CCT6A: variants seen among roughly 807,000 people sequenced by gnomAD.
CCT6A encodes the protein chaperonin containing TCP1 subunit 6A.
In CCT6A, 6 loss-of-function variants were observed where a neutral mutation model predicts 58.6. The ratio of observed to expected loss-of-function variants is 0.10; its 90% CI spans 0.06 to 0.20. The LOEUF (loss-of-function observed/expected upper bound fraction) is 0.20. Ranked by LOEUF, CCT6A falls within the 10% of genes least tolerant of loss-of-function variation. CCT6A has a pLI of 1.00. For synonymous variants in CCT6A, 245 were observed against 227.8 expected, an observed-to-expected ratio of 1.08 and a Z score of -0.68; for missense variants, 516 against 648.8, an observed-to-expected ratio of 0.80 and a Z score of 2.22.
intron 4 of CCT6A, 134 bp downstream of exon 4, chr7:56,055,931 A>ATGCCACAATG (rs1292044782): frequency 1.6e-6 from 1 of 622,716 alleles, no homozygotes; most frequent in African/African-American, 1.9e-5. Context: ...AATGATACCT[A>ATGCCACAATG]ATCTGTGTCT....
chr7:56,057,021 T>C (rs1205430737), intron 5 of CCT6A, among the ~76,000 whole-genome samples: 5 of 152,086 alleles, frequency 3.3e-5, no homozygotes, highest in Non-Finnish European at 7.4e-5. Context: ...GATCTCGATC[T>C]CCTGACCTCG....
At chr7:56,054,880 C>G (rs956654538) in intron 3 of CCT6A, among the ~76,000 whole-genome samples, 8 of 152,094 alleles carry the variant, frequency 5.3e-5, no homozygotes, top group Non-Finnish European at 1.2e-4. Context: ...TAAAGCAAAC[C>G]TCAGTGAATA....
chr7:56,054,720 C>G (rs1233184948), intron 3 of CCT6A, among the ~76,000 whole-genome samples: 1 of 152,056 alleles, frequency 6.6e-6, no homozygotes, highest in African/African-American at 2.4e-5. Context: ...GTTGCATTGC[C>G]TATGTGATTT....
rs1211402800 is a variant in CCT6A, at chr7:56,062,010, A to G, written c.1450+161A>G. On this transcript the variant is annotated intron_variant, in intron 12 of 13. Coordinates refer to ENST00000275603, the MANE Select transcript of CCT6A (RefSeq NM_001762.4). ...AAATAGGATATTAATAAAAAATGGAATGACTAGGTATAATTAAGGGACGAG... is the reference window on the plus strand; with the variant it reads ...AAATAGGATATTAATAAAAAATGGAGTGACTAGGTATAATTAAGGGACGAG... 6 of 484,544 alleles carry G rather than the reference A, an allele frequency of 1.2e-5. No homozygotes were observed. The South Asian group carries it at 1.4e-4, about 11-fold the overall frequency. The allele number at this position is 484,544 out of a possible 1,614,324, so 30.0% of individuals were successfully genotyped here. A position where few individuals can be genotyped will look rare whatever the true frequency, so the allele number is the denominator to read the frequency against.
In CCT6A at chr7:56,051,789, GCCAC is replaced by G; in HGVS notation, c.-59_-56del. On this transcript the variant is annotated 5_prime_UTR_variant, in exon 1 of 14. Coordinates refer to ENST00000275603, the MANE Select transcript of CCT6A (RefSeq NM_001762.4). Reference sequence around the variant, plus strand: ...CAGAAGACCCGGATAGTTCCTCCCGGCCACGCCGCGCCGGCTCTGGGCACTCAGC... The same window carrying G: ...CAGAAGACCCGGATAGTTCCTCCCGGGCCGCGCCGGCTCTGGGCACTCAGC... 6.5e-7 allele frequency: 1 copy of G among 1,532,948 alleles called. No homozygotes were observed. Among genetic ancestry groups the G allele is most frequent in the Admixed American group, 2.0e-5 (1 of 49,866 alleles). 95.0% of individuals were successfully genotyped at this position (1,532,948 alleles called of 1,614,324 possible).
chr7:56,063,084 G>A lies in CCT6A; in HGVS notation c.1595G>A (p.Ter532=). The change falls in exon 14 of 14, where the codon TGA becomes TAA. Residue 532 remains the stop codon, a stop_retained_variant. Transcript: ENST00000275603. ...MRAGMSSLKG[*] is the part of the protein sequence containing the mutation. ...GCTGGAATGTCTTCTCTGAAAGGTT[G>A]AATTGAAGCTTCCTCTGTATCTGAA... The A allele has an allele frequency of 1.3e-6, 2 of 1,591,396 alleles. No individual in the cohort carries two copies. The highest frequency in any genetic ancestry group is 1.7e-6 in the Non-Finnish European group (2 of 1,159,250).
intron 1 of CCT6A, 69 bp from the exon 2 acceptor site, chr7:56,052,353 G>A (rs1417894683): frequency 2.1e-6 from 3 of 1,446,054 alleles, no homozygotes; most frequent in Admixed American, 1.7e-5. Flanking sequence ...GGAAAAGCCC[G>A]TTTTCTAATG....
chr7:56,058,068 C>A lies in CCT6A; in HGVS notation c.690C>A (p.Ile230=), dbSNP rs1176269092. The A allele has an allele frequency of 2.5e-6, 4 of 1,608,810 alleles. No homozygotes were observed. Among genetic ancestry groups the A allele is most frequent in the Non-Finnish European group, 3.4e-6 (4 of 1,175,346 alleles). Residue 230 remains isoleucine (I), a synonymous_variant, in exon 6 of 14, where the codon ATC becomes ATA. Coordinates refer to ENST00000275603, the MANE Select transcript of CCT6A (RefSeq NM_001762.4). ...AGAAAAGGGTGGAGGATGCATACAT[C>A]CTCACTTGTAACGTGTCATTAGAGT... ...DMKKRVEDAY[I]LTCNVSLEYE...
Position 56,055,590 on chromosome 7 carries a change from T to G in CCT6A, c.337-34T>G. ...ATCATGAACTATGGTTGCACCTAAT[T>G]GAAGATGCAAGTGTTAATGTGTGTT... On this transcript the variant is annotated intron_variant, in intron 3 of 13. Coordinates refer to ENST00000275603, the MANE Select transcript of CCT6A (RefSeq NM_001762.4). 4 of 1,541,860 alleles carry G rather than the reference T, an allele frequency of 2.6e-6. No homozygotes were observed. The South Asian group carries it at 4.5e-5, about 17-fold the overall frequency.
chr7:56,052,863 A>G (rs761415724), intron 2 of CCT6A, among the ~76,000 whole-genome samples: 5 of 151,046 alleles, frequency 3.3e-5, no homozygotes, highest in Non-Finnish European at 5.9e-5. Flanking sequence ...GCACAATCTC[A>G]ACTCACTGCA....
rs1794281931 is a variant in CCT6A, at chr7:56,055,285, A to G, written c.337-339A>G. ...GCGAAACTCCATCTCAAAAAAAATG[A>G]AAGAAAATAAAGATAGGATAATGCT... On this transcript the variant is annotated intron_variant, in intron 3 of 13. Coordinates refer to ENST00000275603, the MANE Select transcript of CCT6A (RefSeq NM_001762.4). The G allele has an allele frequency of 1.4e-5, 4 of 285,976 alleles. No individual in the cohort carries two copies. The Admixed American group carries it at 1.4e-4, about 10-fold the overall frequency. 17.7% of individuals were successfully genotyped at this position (285,976 alleles called of 1,614,324 possible).
rs111726814 is a variant in CCT6A, at chr7:56,056,845, A to C, written c.614+431A>C. Among the ~76,000 whole-genome samples the C allele has an allele frequency of 9.3e-3, 1,335 of 143,182 alleles. 16 individuals are homozygous for C. The highest frequency in any genetic ancestry group is 0.015 in the Non-Finnish European group (978 of 66,416). The allele number at this position is 143,182 out of a possible 152,430, so 93.9% of individuals were successfully genotyped here. On this transcript the variant is annotated intron_variant, in intron 5 of 13. Transcript: ENST00000275603. The stretch of plus-strand genomic sequence containing the variant: ...AGTCTTGCTCTGTCGCCCAGCCTGG[A>C]GTGTACAGTGGCATGATCTCGGCTC...
chr7:56,055,375 A>G (rs1794283432), intron 3 of CCT6A: 4 of 574,240 alleles, frequency 7.0e-6, no homozygotes, highest in Admixed American at 5.0e-5. Context: ...TTGCACAGTG[A>G]ACACCCAAGT....
intron 5 of CCT6A, 40 bp downstream of exon 5, chr7:56,056,454 G>A (rs760724055): frequency 2.0e-6 from 2 of 981,828 alleles, no homozygotes; most frequent in Non-Finnish European, 3.3e-6. Flanking sequence ...TGGGCATGGA[G>A]GCTCACACCT....
Position 56,057,999 on chromosome 7 carries a change from C to G in CCT6A, c.621C>G (p.Ile207Met), listed in dbSNP as rs756855905. The G allele has an allele frequency of 6.3e-7, 1 of 1,597,996 alleles. No homozygotes were observed. The highest frequency in any genetic ancestry group is 8.6e-7 in the Non-Finnish European group (1 of 1,165,814). ...KHKSETDTSL[I>M]RGLVLDHGAR... ...TTTGTGTGTGTTTAAACAGCTTAATCAGAGGGCTTGTTTTGGACCACGGAG... is the reference window on the plus strand; with the variant it reads ...TTTGTGTGTGTTTAAACAGCTTAATGAGAGGGCTTGTTTTGGACCACGGAG... The change falls in exon 6 of 14, where the codon ATC becomes ATG. Residue 207 changes from isoleucine (I) to methionine (M), a missense_variant. This residue lies in a region of CCT6A where 85 missense variants were observed against 74.9 expected (regional missense o/e 1.13). Coordinates refer to ENST00000275603, the MANE Select transcript of CCT6A (RefSeq NM_001762.4).
chr7:56,054,013 T>G (rs1794249697), intron 2 of CCT6A, among the ~76,000 whole-genome samples: 4 of 152,148 alleles, frequency 2.6e-5, no homozygotes, highest in Admixed American at 6.5e-5. Context: ...GTGTGTGCCC[T>G]TTAGGAGATA....
At chr7:56,061,079 C>T in intron 11 of CCT6A, 139 bp downstream of exon 11, 1 of 867,346 alleles carries the variant, frequency 1.2e-6, no homozygotes, top group Non-Finnish European at 1.7e-6. Context: ...ACAGGTATTC[C>T]TCATCATCCA....
intron 11 of CCT6A, 51 bp from the exon 12 acceptor site, chr7:56,061,696 C>G: frequency 7.8e-5 from 15 of 191,642 alleles, no homozygotes; most frequent in Non-Finnish European, 9.6e-5. Flanking sequence ...TTTTTTTTTA[C>G]TATCAGTTAT....
Position 56,060,812 on chromosome 7 carries a change from G to A in CCT6A, c.1219G>A (p.Val407Met). 6.2e-7 allele frequency: 1 copy of A among 1,609,752 alleles called. No individual in the cohort carries two copies. Among genetic ancestry groups the A allele is most frequent in the Non-Finnish European group, 8.5e-7 (1 of 1,179,280 alleles). ...CCTTTTCCCCCATCCAACAGGCTGT[G>A]TGGTTCCAGGTGCTGGTGCCGTGGA... is the stretch of plus-strand genomic sequence containing the variant. Reference protein sequence around the residue: ...AVKNAIDDGCVVPGAGAVEVA... With the variant: ...AVKNAIDDGCMVPGAGAVEVA... The change falls in exon 11 of 14, where the codon GTG becomes ATG. Residue 407 changes from valine to methionine, a missense_variant. Transcript: ENST00000275603.
Sources: gnomAD v4.1 joint callset for allele counts (sites outside exome capture counted in the v4.1 genomes callset) on GRCh38, gnomAD v4.1.1 for gene constraint, gnomAD v4.1.1 regional missense constraint, MANE v1.5 for transcripts, NCBI Gene and HGNC (gene_info 2026-07-23, HGNC 2026-07-21) for gene names.